HS3ST5: variants seen among roughly 807,000 people sequenced by gnomAD.
The protein encoded by HS3ST5 is heparan sulfate glucosamine 3-O-sulfotransferase 5.
HS3ST5 carries 10 observed loss-of-function variants against 25.4 expected under a neutral mutation model. The ratio of observed to expected loss-of-function variants is 0.39; its 90% CI spans 0.24 to 0.67. The LOEUF (loss-of-function observed/expected upper bound fraction) is 0.67, where lower values mean the gene tolerates loss of function less well. Among genes scored for constraint, HS3ST5 ranks in the 30% least tolerant of loss-of-function variants. The pLI is 0.44. For synonymous variants in HS3ST5, 170 were observed against 162.4 expected, an observed-to-expected ratio of 1.05 and a Z score of -0.36; for missense variants, 324 against 420.7, an observed-to-expected ratio of 0.77 and a Z score of 2.01.
intron 3 of HS3ST5, among the ~76,000 whole-genome samples, chr6:114,117,776 G>A (rs140942121): frequency 6.6e-6 from 1 of 152,238 alleles, no homozygotes; most frequent in Non-Finnish European, 1.5e-5. Flanking sequence ...TACTGACTTA[G>A]GCTAATTGGG....
chr6:114,143,949 G>A (rs1778030674), intron 3 of HS3ST5: 1 of 152,286 alleles, frequency 6.6e-6, no homozygotes, highest in South Asian at 2.1e-4. Flanking sequence ...GGCCAATCTG[G>A]TCTGTATATA....
At chr6:114,136,411 A>T (rs987015673) in intron 3 of HS3ST5, among the ~76,000 whole-genome samples, 3 of 152,194 alleles carry the variant, frequency 2.0e-5, no homozygotes, top group Non-Finnish European at 4.4e-5. Context: ...GTCTTCAGCC[A>T]TGATTGTGAG....
chr6:114,180,397 C>T (rs1562228093), intron 2 of HS3ST5, among the ~76,000 whole-genome samples: 1 of 152,064 alleles, frequency 6.6e-6, no homozygotes, highest in Non-Finnish European at 1.5e-5. Flanking sequence ...ATTTTCTCAT[C>T]ATTCTGGAGG....
intron 3 of HS3ST5, among the ~76,000 whole-genome samples, chr6:114,110,217 ATTG>A (rs1271631667): frequency 1.3e-5 from 2 of 152,092 alleles, no homozygotes; most frequent in African/African-American, 4.8e-5. Context: ...AGTAATTAAA[ATTG>A]TTGTTGTTGA....
intron 3 of HS3ST5, among the ~76,000 whole-genome samples, chr6:114,120,285 C>T (rs1032015754): frequency 1.3e-5 from 2 of 151,950 alleles, no homozygotes; most frequent in African/African-American, 4.8e-5. Flanking sequence ...ATTTTTTTCC[C>T]CTAACTATAA....
intron 1 of HS3ST5, among the ~76,000 whole-genome samples, chr6:114,291,555 G>C (rs985772169): frequency 2.0e-5 from 3 of 152,150 alleles, no homozygotes; most frequent in Non-Finnish European, 4.4e-5. Context: ...CAATGCCATG[G>C]AGATGGCAGA....
chr6:114,232,339 T>C (rs1231475702), intron 1 of HS3ST5, among the ~76,000 whole-genome samples: 1 of 152,162 alleles, frequency 6.6e-6, no homozygotes, highest in Non-Finnish European at 1.5e-5. Flanking sequence ...CTTTTTCCCT[T>C]ATTTCCATAT....
At chr6:114,212,220 T>A (rs1038418194) in intron 2 of HS3ST5, among the ~76,000 whole-genome samples, 1 of 152,218 alleles carries the variant, frequency 6.6e-6, no homozygotes, top group African/African-American at 2.4e-5. Flanking sequence ...TACACAGAGC[T>A]TTCTTCAACA....
At chr6:114,060,077 G>A (rs1398225301) in intron 4 of HS3ST5, among the ~76,000 whole-genome samples, 3 of 151,984 alleles carry the variant, frequency 2.0e-5, no homozygotes, top group South Asian at 2.1e-4. Flanking sequence ...GCAGTGGCAC[G>A]ATCTTGGCTC....
At chr6:114,253,398 G>A (rs898592863) in intron 1 of HS3ST5, among the ~76,000 whole-genome samples, 2 of 152,180 alleles carry the variant, frequency 1.3e-5, no homozygotes, top group Non-Finnish European at 2.9e-5. Context: ...CCAAAGAATC[G>A]CTGTTTCCTA....
intron 3 of HS3ST5, among the ~76,000 whole-genome samples, chr6:114,145,359 T>G (rs1350646358): frequency 6.6e-6 from 1 of 152,214 alleles, no homozygotes; most frequent in Admixed American, 6.5e-5. Flanking sequence ...AATGGTTTAG[T>G]GTGCTTCGAG....
chr6:114,178,791 A>G (rs1344445771), intron 2 of HS3ST5: 1 of 152,082 alleles, frequency 6.6e-6, no homozygotes, highest in African/African-American at 2.4e-5. Flanking sequence ...GAGATGAGGG[A>G]GAAGGAAGCC....
intron 2 of HS3ST5, among the ~76,000 whole-genome samples, chr6:114,173,725 C>T (rs746255148): frequency 1.3e-5 from 2 of 151,776 alleles, no homozygotes; most frequent in East Asian, 1.9e-4. Context: ...TGGACGTAGT[C>T]GCGGGTACCT....
chr6:114,130,672 C>T (rs1777284113), intron 3 of HS3ST5, among the ~76,000 whole-genome samples: 1 of 152,156 alleles, frequency 6.6e-6, no homozygotes, highest in South Asian at 2.1e-4. Flanking sequence ...TGGGTTCACA[C>T]CATTCTCCTG....
chr6:114,197,719 G>A (rs752863950), intron 2 of HS3ST5, among the ~76,000 whole-genome samples: 2 of 152,066 alleles, frequency 1.3e-5, no homozygotes, highest in Non-Finnish European at 2.9e-5. Context: ...TTATAAATGA[G>A]AATATGTCAT....
chr6:114,276,611 G>GAAA (rs11448440), intron 1 of HS3ST5, among the ~76,000 whole-genome samples: 25 of 144,602 alleles, frequency 1.7e-4, no homozygotes, highest in Non-Finnish European at 3.0e-4. Context: ...GAGAGTGTGG[G>GAAA]AAAAAAAAAA....
chr6:114,084,530 A>G (rs1407852389), intron 3 of HS3ST5: 7 of 759,116 alleles, frequency 9.2e-6, no homozygotes, highest in Admixed American at 6.8e-5. Context: ...GCCGGCGTCC[A>G]CCGCATCACA....
At chr6:114,247,048 C>T (rs1772411945) in intron 1 of HS3ST5, among the ~76,000 whole-genome samples, 1 of 152,200 alleles carries the variant, frequency 6.6e-6, no homozygotes, top group Non-Finnish European at 1.5e-5. Flanking sequence ...AATGAAAGTT[C>T]CCAACCCAAA....
At chr6:114,208,578 G>T (rs192251477) in intron 2 of HS3ST5, among the ~76,000 whole-genome samples, 1 of 152,160 alleles carries the variant, frequency 6.6e-6, no homozygotes, top group East Asian at 1.9e-4. Context: ...TTGCAGGGGC[G>T]AGTGTGCAAC....
Sources: gnomAD v4.1 joint callset for allele counts (sites outside exome capture counted in the v4.1 genomes callset) on GRCh38, gnomAD v4.1.1 for gene constraint, MANE v1.5 for transcripts, NCBI Gene and HGNC (gene_info 2026-07-23, HGNC 2026-07-21) for gene names.